The following SF3B2 variants were observed in gnomAD, a reference collection of about 807,000 sequenced individuals.
The protein encoded by SF3B2 is splicing factor 3b subunit 2.
A neutral mutation model predicts 116.3 loss-of-function variants in SF3B2; 22 were observed. The observed-to-expected ratio is 0.19, with a 90% CI of 0.14 to 0.27. SF3B2 has a LOEUF of 0.27. Among genes scored for constraint, SF3B2 ranks in the 10% least tolerant of loss-of-function variants. The pLI is 1.00. For missense variants in SF3B2, 767 were observed against 1,151.4 expected (o/e 0.67, Z 4.83); for synonymous variants, 406 against 421.6 (o/e 0.96, Z 0.45).
rs1262948692 is a variant in SF3B2, at chr11:66,060,706, C to G, written c.1754C>G (p.Thr585Ser). 1 of 1,614,204 alleles carries G rather than the reference C, an allele frequency of 6.2e-7. No homozygotes were observed. Among genetic ancestry groups the G allele is most frequent in the East Asian group, 2.2e-5 (1 of 44,894 alleles). ...AAGTGGCAGACCAAGCCAAAGCTGACCATCCATGGGGACCTGTACTATGAG... is the reference window on the plus strand; with the variant it reads ...AAGTGGCAGACCAAGCCAAAGCTGAGCATCCATGGGGACCTGTACTATGAG... ...FFKWQTKPKL[T>S]IHGDLYYEGK... is the part of the protein sequence containing the mutation. Residue 585 changes from threonine to serine, a missense_variant, in exon 14 of 22, where the codon ACC becomes AGC. Physicochemically the swap from Thr to Ser is moderately conservative, Grantham distance 58. Around this residue, in one of 4 missense-constraint regions of SF3B2, gnomAD observed 282 missense variants for 568.0 expected, o/e 0.50. Transcript: ENST00000322535.
chr11:66,068,895 G>C lies in SF3B2; in HGVS notation c.*150G>C, dbSNP rs1252290159. The C allele has an allele frequency of 6.0e-6, 4 of 663,316 alleles. No individual in the cohort carries two copies. The highest frequency in any genetic ancestry group is 1.0e-5 in the Non-Finnish European group (4 of 381,694). The allele number at this position is 663,316 out of a possible 1,614,324, so 41.1% of individuals were successfully genotyped here. On this transcript the variant is annotated 3_prime_UTR_variant, in exon 22 of 22. Transcript: ENST00000322535. ...AATAAAGCTGTTTCCCAAGGAAAGAGATGAATATTTAACACTCCTGAGCCT... is the reference window on the plus strand; with the variant it reads ...AATAAAGCTGTTTCCCAAGGAAAGACATGAATATTTAACACTCCTGAGCCT...
At position 66,059,013 on chromosome 11, in the gene SF3B2, ATCT is replaced by A; in HGVS notation, c.1155_1157del (p.Phe386del). On this transcript the variant is annotated inframe_deletion, in exon 10 of 22. Coordinates refer to ENST00000322535, the MANE Select transcript of SF3B2 (RefSeq NM_006842.3). This position sits in a 1 kb window ranked among gnomAD's most constrained non-coding sequence, Gnocchi z 5.0. ...ACCTGAAATTTACGAGCCCAACTTT[ATCT>A]TCTTTAAGAGGATCTTTGAGGCTTT... 1 of 1,614,090 alleles carries A rather than the reference ATCT, an allele frequency of 6.2e-7. No individual in the cohort carries two copies. Among genetic ancestry groups the A allele is most frequent in the Non-Finnish European group, 8.5e-7 (1 of 1,180,004 alleles).
At chr11:66,056,433 G>A (rs1374147314) in intron 5 of SF3B2, among the ~76,000 whole-genome samples, 1 of 149,322 alleles carries the variant, frequency 6.7e-6, no homozygotes, top group Admixed American at 6.7e-5. Flanking sequence ...CCACAAGTCT[G>A]GACCTGTGGG....
rs1857061652 is a variant in SF3B2 at position 66,059,346 on chromosome 11, C to T, written c.1320+8C>T. The T allele has an allele frequency of 6.2e-7, 1 of 1,613,722 alleles. No individual in the cohort carries two copies. The highest frequency in any genetic ancestry group is 8.5e-7 in the Non-Finnish European group (1 of 1,179,886). ...AGCAGTGATGACGAGCAGGTCAGGC[C>T]CAGCCCTCCTGGTGGGAAGCAGGGA... On this transcript the variant is annotated splice_region_variant and intron_variant, in intron 11 of 21. Transcript: ENST00000322535. This position sits in a 1 kb window ranked among gnomAD's most constrained non-coding sequence, Gnocchi z 5.0.
intron 5 of SF3B2, among the ~76,000 whole-genome samples, chr11:66,056,000 G>C (rs1856987200): frequency 6.6e-6 from 1 of 152,028 alleles, no homozygotes. Flanking sequence ...AGACAGAATA[G>C]GACTGTAAGT....
Position 66,068,319 on chromosome 11 carries a change from G to A in SF3B2, c.2602G>A (p.Ala868Thr), listed in dbSNP as rs756517737. 4 of 1,612,148 alleles carry A rather than the reference G, an allele frequency of 2.5e-6. No homozygotes were observed. Among genetic ancestry groups the A allele is most frequent in the Non-Finnish European group, 3.4e-6 (4 of 1,179,446 alleles). Residue 868 changes from alanine (A) to threonine (T), a missense_variant, in exon 21 of 22, where the codon GCT becomes ACT. By Grantham distance (58) the Ala-to-Thr change is moderately conservative. Around this residue, in one of 4 missense-constraint regions of SF3B2, gnomAD observed 3 missense variants for 17.9 expected, o/e 0.17. Coordinates refer to ENST00000322535, the MANE Select transcript of SF3B2 (RefSeq NM_006842.3). ...CTTCAGTGACATGGTGGCTGAGCAC[G>A]CTGCCAAACAGAAGGTAGGCGCTTC... Reference protein sequence around the residue: ...EDFSDMVAEHAAKQKQKKRKA... With the variant: ...EDFSDMVAEHTAKQKQKKRKA...
Position 66,059,654 on chromosome 11 carries a change from C to A in SF3B2, c.1401+59C>A. ...CCCAGCTGGGAGACCACCTGGGGAG[C>A]CAGGGAGGTGAAAAGGAGTTCTTTG... On this transcript the variant is annotated intron_variant, in intron 12 of 21. Transcript: ENST00000322535. This position sits in a 1 kb window ranked among gnomAD's most constrained non-coding sequence, Gnocchi z 5.0. 1.9e-6 allele frequency: 3 copies of A among 1,595,234 alleles called. No individual in the cohort carries two copies. In the South Asian group the frequency reaches 3.3e-5, roughly 18 times the overall value.
intron 13 of SF3B2, 51 bp from the exon 14 acceptor site, chr11:66,060,531 C>T: frequency 1.2e-6 from 2 of 1,604,314 alleles, no homozygotes; most frequent in Non-Finnish European, 1.7e-6. Flanking sequence ...GGATTCTCTA[C>T]ATGAATTTGG....
chr11:66,057,682 AAG>A (rs1857025521), intron 7 of SF3B2, among the ~76,000 whole-genome samples: 1 of 152,046 alleles, frequency 6.6e-6, no homozygotes. Flanking sequence ...TTGGTGGAAA[AAG>A]GGCACTGTGG....
intron 17 of SF3B2, 80 bp from the exon 18 acceptor site, chr11:66,063,320 C>G (rs1200680936): frequency 3.6e-6 from 5 of 1,384,824 alleles, no homozygotes; most frequent in African/African-American, 1.4e-5. Flanking sequence ...TTGACTCTTA[C>G]ACCCCTTCAG....
chr11:66,052,781 C>T (rs184065454), intron 2 of SF3B2, 62 bp downstream of exon 2: 83 of 1,494,226 alleles, frequency 5.6e-5, no homozygotes, highest in Non-Finnish European at 7.4e-5. Context: ...TTATATACCC[C>T]ATCACGGCTC....
chr11:66,057,704 G>A (rs1001238629), intron 7 of SF3B2, among the ~76,000 whole-genome samples: 12 of 150,512 alleles, frequency 8.0e-5, no homozygotes, highest in Admixed American at 3.3e-4. Context: ...GGCTGGGTGC[G>A]GTGGCTCACA....
chr11:66,053,325 G>A (rs894919957), intron 3 of SF3B2: 12 of 569,454 alleles, frequency 2.1e-5, no homozygotes, highest in Non-Finnish European at 3.8e-5. Flanking sequence ...AGAATTGTGA[G>A]CTCTTCAGTT....
At chr11:66,062,306 A>C (rs1857112265) in intron 16 of SF3B2, among the ~76,000 whole-genome samples, 1 of 152,100 alleles carries the variant, frequency 6.6e-6, no homozygotes, top group Admixed American at 6.5e-5. Flanking sequence ...GTGTTTCCAG[A>C]TATGTCTCTG....
At chr11:66,066,257 C>G (rs1857181562) in intron 19 of SF3B2, 1 of 152,080 alleles carries the variant, frequency 6.6e-6, no homozygotes, top group Non-Finnish European at 1.5e-5. Flanking sequence ...ATTCATTTTC[C>G]TCATTATGGA....
intron 5 of SF3B2, among the ~76,000 whole-genome samples, chr11:66,056,573 T>C (rs1856998284): frequency 6.6e-6 from 1 of 152,168 alleles, no homozygotes; most frequent in Admixed American, 6.5e-5. Flanking sequence ...AGGCACTGTT[T>C]GGCTCAATAT....
intron 3 of SF3B2, chr11:66,053,402 G>C: frequency 7.0e-6 from 3 of 427,736 alleles, no homozygotes; most frequent in Non-Finnish European, 1.3e-5. Flanking sequence ...CTTGTGGCCG[G>C]GTGCAGTGGC....
At chr11:66,056,976 G>A in intron 6 of SF3B2, 21 bp downstream of exon 6, 1 of 1,509,126 alleles carries the variant, frequency 6.6e-7, no homozygotes, top group Non-Finnish European at 9.2e-7. Context: ...GGAACCGAGG[G>A]GAAGGGCAAG....
chr11:66,064,219 CTT>C (rs1857142596), intron 19 of SF3B2, among the ~76,000 whole-genome samples: 1 of 152,316 alleles, frequency 6.6e-6, no homozygotes, highest in South Asian at 2.1e-4. Context: ...CCATTCTGCT[CTT>C]TGTTCCCTTT....
Sources: gnomAD v4.1 joint callset for allele counts (sites outside exome capture counted in the v4.1 genomes callset) on GRCh38, gnomAD v4.1.1 for gene constraint, gnomAD v4.1.1 regional missense constraint, Gnocchi (gnomAD v3.1) non-coding constraint, MANE v1.5 for transcripts, NCBI Gene and HGNC (gene_info 2026-07-23, HGNC 2026-07-21) for gene names.